DAAM1: variants seen among roughly 807,000 people sequenced by gnomAD.
DAAM1 encodes disheveled-associated activator of morphogenesis 1.
In DAAM1, 52 loss-of-function variants were observed where a neutral mutation model predicts 130.0. The observed-to-expected ratio is 0.40, with a 90% CI of 0.32 to 0.50. The LOEUF (loss-of-function observed/expected upper bound fraction) is 0.50. DAAM1 is among the 20% of genes least tolerant of loss of function. The pLI, the probability that DAAM1 is intolerant of heterozygous loss-of-function variation, is 0.61. For synonymous variants in DAAM1, 452 were observed against 444.5 expected (o/e 1.02, Z -0.21); for missense variants, 1,134 against 1,303.8 (o/e 0.87, Z 2.01).
At chr14:59,219,880 C>A (rs79184350) in intron 1 of DAAM1, among the ~76,000 whole-genome samples, 4 of 152,128 alleles carry the variant, frequency 2.6e-5, no homozygotes, top group African/African-American at 7.2e-5. Context: ...TCTGGACATG[C>A]CTTTATTCAT....
intron 1 of DAAM1, among the ~76,000 whole-genome samples, chr14:59,213,375 A>G (rs1376190873): frequency 2.0e-5 from 3 of 151,304 alleles, no homozygotes; most frequent in Non-Finnish European, 4.4e-5. Flanking sequence ...AAAAAAAGGA[A>G]AGAGAAAACC....
chr14:59,291,373 C>CTAGTGGTGAAATGGAAG, intron 3 of DAAM1, 67 bp downstream of exon 3: 1 of 1,285,700 alleles, frequency 7.8e-7, no homozygotes, highest in Non-Finnish European at 1.1e-6. Context: ...TCTTCCATTT[C>CTAGTGGTGAAATGGAAG]ACCACTAGAA....
At chr14:59,299,313 TG>T (rs1884080778) in intron 3 of DAAM1, among the ~76,000 whole-genome samples, 1 of 152,250 alleles carries the variant, frequency 6.6e-6, no homozygotes, top group Admixed American at 6.5e-5. Flanking sequence ...ACTAGTTGTA[TG>T]ACCTGGGGCA....
At chr14:59,304,456 C>T (rs1313957675) in intron 3 of DAAM1, among the ~76,000 whole-genome samples, 3 of 152,192 alleles carry the variant, frequency 2.0e-5, no homozygotes, top group African/African-American at 7.2e-5. Context: ...TAACTTGTGG[C>T]ACTAGAAATG....
At chr14:59,292,937 A>G (rs1566688163) in intron 3 of DAAM1, among the ~76,000 whole-genome samples, 1 of 152,250 alleles carries the variant, frequency 6.6e-6, no homozygotes, top group Non-Finnish European at 1.5e-5. Flanking sequence ...CTCAAGAAAC[A>G]AATATAATAC....
chr14:59,368,826 C>CAG lies in DAAM1; in HGVS notation c.3182_3183dup (p.Pro1062AspfsTer12). The CAG allele has an allele frequency of 6.2e-7, 1 of 1,613,252 alleles. No homozygotes were observed. The highest frequency in any genetic ancestry group is 8.5e-7 in the Non-Finnish European group (1 of 1,179,720). Reference sequence around the variant, plus strand: ...TTACCAACCAGATGACTGACAGCAGCAGAGAGAGACCAATCACAAAACTTA... The same window carrying CAG: ...TTACCAACCAGATGACTGACAGCAGCAGAGAGAGAGACCAATCACAAAACTTA... On this transcript the variant is annotated frameshift_variant, in exon 25 of 25. Transcript: ENST00000360909. LOFTEE classifies it high-confidence loss of function.
In DAAM1 at chr14:59,370,536, G is replaced by A. The variant is rs559056903; in HGVS notation, c.*1677G>A. 11 of 152,270 alleles carry A rather than the reference G, an allele frequency of 7.2e-5. No individual in the cohort carries two copies. The highest frequency in any genetic ancestry group is 7.2e-4 in the Admixed American group (11 of 15,292). 9.4% of individuals were successfully genotyped at this position (152,270 alleles called of 1,614,324 possible). ...ACAGATGGCGAGTTATCTGTGCTAT[G>A]TGAAAGCTGTGAAATAGTGCTCTAA... On this transcript the variant is annotated 3_prime_UTR_variant, in exon 25 of 25. Coordinates refer to ENST00000360909, the MANE Select transcript of DAAM1 (RefSeq NM_001270520.2).
chr14:59,300,731 CTG>C (rs1176614488), intron 3 of DAAM1, among the ~76,000 whole-genome samples: 6 of 152,194 alleles, frequency 3.9e-5, no homozygotes, highest in Admixed American at 2.0e-4. Context: ...GTTTGTGTTT[CTG>C]TCTTTTACTT....
intron 2 of DAAM1, among the ~76,000 whole-genome samples, chr14:59,273,640 C>T (rs967382612): frequency 2.6e-5 from 4 of 152,138 alleles, no homozygotes; most frequent in African/African-American, 7.2e-5. Flanking sequence ...TATACAAAGT[C>T]GTTATAGTAT....
At chr14:59,244,306 C>A (rs1881264696) in intron 1 of DAAM1, among the ~76,000 whole-genome samples, 1 of 151,570 alleles carries the variant, frequency 6.6e-6, no homozygotes, top group African/African-American at 2.4e-5. Flanking sequence ...AGAAAACAGA[C>A]TAGTACACTA....
At chr14:59,313,504 T>C (rs1884672596) in intron 3 of DAAM1, among the ~76,000 whole-genome samples, 1 of 152,246 alleles carries the variant, frequency 6.6e-6, no homozygotes, top group African/African-American at 2.4e-5. Context: ...ATGGTCTCTC[T>C]TCTGTAACTG....
intron 1 of DAAM1, among the ~76,000 whole-genome samples, chr14:59,209,965 GA>G (rs370959547): frequency 0.066 from 9,852 of 148,220 alleles, 429 homozygotes; most frequent in Non-Finnish European, 0.098. Context: ...AAAAATTAAA[GA>G]AAAAAAAAAT....
Position 59,353,917 on chromosome 14 carries a change from A to G in DAAM1, c.2309A>G (p.Lys770Arg). Reference protein sequence around the residue: ...YQQRLQSLYFKKKFAERVAEV... With the variant: ...YQQRLQSLYFRKKFAERVAEV... ...CAAAGGTTGCAATCGCTGTACTTCA[A>G]AAAGAAGTTTGCAGAGCGTGTGGCA... The change falls in exon 19 of 25, where the codon AAA (lysine) becomes AGA (arginine). Residue 770 changes from lysine (K) to arginine (R), a missense_variant. By Grantham distance (26) the Lys-to-Arg change is conservative. Around this residue, in one of 3 missense-constraint regions of DAAM1, gnomAD observed 644 missense variants for 695.9 expected, o/e 0.93. Coordinates refer to ENST00000360909, the MANE Select transcript of DAAM1 (RefSeq NM_001270520.2). The G allele has an allele frequency of 6.2e-7, 1 of 1,614,146 alleles. No homozygotes were observed. Among genetic ancestry groups the G allele is most frequent in the Non-Finnish European group, 8.5e-7 (1 of 1,179,986 alleles).
chr14:59,256,149 A>T (rs147343527), intron 1 of DAAM1, among the ~76,000 whole-genome samples: 1 of 152,350 alleles, frequency 6.6e-6, no homozygotes, highest in African/African-American at 2.4e-5. Context: ...GCCAACCTTA[A>T]CATTTCACTC....
intron 1 of DAAM1, among the ~76,000 whole-genome samples, chr14:59,233,609 T>C (rs1889187303): frequency 6.6e-6 from 1 of 152,226 alleles, no homozygotes; most frequent in Non-Finnish European, 1.5e-5. Context: ...GAGGCTAGTT[T>C]CTTTTGCTAT....
chr14:59,269,696 G>T (rs1284122507), intron 2 of DAAM1, among the ~76,000 whole-genome samples: 1 of 152,310 alleles, frequency 6.6e-6, no homozygotes, highest in Non-Finnish European at 1.5e-5. Context: ...AGTGTGAAGG[G>T]TCTTGGAAGC....
intron 16 of DAAM1, among the ~76,000 whole-genome samples, chr14:59,346,313 G>T (rs1407675657): frequency 2.0e-5 from 3 of 152,286 alleles, no homozygotes; most frequent in Middle Eastern, 3.4e-3. Context: ...TACTTCAAAA[G>T]TTGCATGTGA....
At chr14:59,308,844 G>A (rs17255610) in intron 3 of DAAM1, among the ~76,000 whole-genome samples, 9,911 of 152,280 alleles carry the variant, frequency 0.065, 420 homozygotes, top group Non-Finnish European at 0.097. Flanking sequence ...CTGAGGCTTA[G>A]GAGGAGGTGG....
At chr14:59,285,663 A>G (rs1883416105) in intron 2 of DAAM1, among the ~76,000 whole-genome samples, 1 of 152,232 alleles carries the variant, frequency 6.6e-6, no homozygotes. Flanking sequence ...AACAATGATC[A>G]AAAAGGACAA....
Sources: gnomAD v4.1 joint callset for allele counts (sites outside exome capture counted in the v4.1 genomes callset) on GRCh38, gnomAD v4.1.1 for gene constraint, gnomAD v4.1.1 regional missense constraint, MANE v1.5 for transcripts, NCBI Gene and HGNC (gene_info 2026-07-23, HGNC 2026-07-21) for gene names.